CEP68: variants seen among roughly 807,000 people sequenced by gnomAD.
The protein encoded by CEP68 is centrosomal protein of 68 kDa.
A neutral mutation model predicts 55.3 loss-of-function variants in CEP68; 26 were observed. The ratio of observed to expected loss-of-function variants is 0.47; its 90% CI spans 0.34 to 0.65. The LOEUF (loss-of-function observed/expected upper bound fraction) is 0.65, where lower values mean the gene tolerates loss of function less well. Among genes scored for constraint, CEP68 ranks in the 30% least tolerant of loss-of-function variants. The pLI, the probability that CEP68 is intolerant of heterozygous loss-of-function variation, is 0.01. For missense variants in CEP68, 957 were observed against 946.7 expected (o/e 1.01, Z -0.14); for synonymous variants, 402 against 383.2 (o/e 1.05, Z -0.57).
rs1668970836 is a variant in CEP68 at position 65,084,495 on chromosome 2, T to A, written c.*861T>A. On this transcript the variant is annotated 3_prime_UTR_variant, in exon 7 of 7. Transcript: ENST00000377990. Reference sequence around the variant, plus strand: ...GGAAAAAGGGGAATTCTTCGTTGCTTTGGCATTGACACATAAGTACTTTGA... The same window carrying A: ...GGAAAAAGGGGAATTCTTCGTTGCTATGGCATTGACACATAAGTACTTTGA... The A allele has an allele frequency of 1.3e-5, 2 of 149,952 alleles. No individual in the cohort carries two copies. Among genetic ancestry groups the A allele is most frequent in the African/African-American group, 4.9e-5 (2 of 40,678 alleles). The allele number at this position is 149,952 out of a possible 1,614,324, so 9.3% of individuals were successfully genotyped here. A position where few individuals can be genotyped will look rare whatever the true frequency, so the allele number is the denominator to read the frequency against.
rs749877222 is a variant in CEP68, at chr2:65,081,512, G to C, written c.2105-1024G>C. ...GGAAACTAGGGAGAGTATAAGCACA[G>C]CTGATAAAGGTGCAGGAAACTAAGA... On this transcript the variant is annotated intron_variant, in intron 5 of 6. Transcript: ENST00000377990. Among the ~76,000 whole-genome samples, 9 of 152,160 alleles carry C rather than the reference G, an allele frequency of 5.9e-5. 1 individual carries two copies. In the South Asian group the frequency reaches 6.2e-4, roughly 10 times the overall value.
chr2:65,080,013 A>G (rs1558568761), intron 5 of CEP68, among the ~76,000 whole-genome samples: 1 of 151,964 alleles, frequency 6.6e-6, no homozygotes, highest in African/African-American at 2.4e-5. Flanking sequence ...AGCACCTGTA[A>G]TCCCAGCCAC....
chr2:65,074,541 A>C, intron 4 of CEP68, 137 bp downstream of exon 4: 3 of 1,264,794 alleles, frequency 2.4e-6, no homozygotes, highest in Non-Finnish European at 3.4e-6. Context: ...ATCTAATTAG[A>C]GCTTCACATT....
chr2:65,078,823 C>T (rs761809265), intron 5 of CEP68, among the ~76,000 whole-genome samples: 16 of 152,224 alleles, frequency 1.1e-4, no homozygotes, highest in East Asian at 5.8e-4. Context: ...GGATTACAGG[C>T]GTGAGCCACT....
chr2:65,062,999 G>T (rs193117646), intron 1 of CEP68, among the ~76,000 whole-genome samples: 1 of 152,340 alleles, frequency 6.6e-6, no homozygotes, highest in Admixed American at 6.5e-5. Flanking sequence ...AGAAGTGAGT[G>T]GGAGGAAGCC....
At position 65,084,035 on chromosome 2, in the gene CEP68, A is replaced by G. The variant is rs528007485; in HGVS notation, c.*401A>G. 1.1e-4 allele frequency: 17 copies of G among 152,344 alleles called. No homozygotes were observed. Among genetic ancestry groups the G allele is most frequent in the African/African-American group, 3.8e-4 (16 of 41,580 alleles). 9.4% of individuals were successfully genotyped at this position (152,344 alleles called of 1,614,324 possible). A position where few individuals can be genotyped will look rare whatever the true frequency, so the allele number is the denominator to read the frequency against. ...TATTCTCAGGCATGCAAGAGGACCT[A>G]AGAGACTGAAAAAAGTGAATTGTTG... On this transcript the variant is annotated 3_prime_UTR_variant, in exon 7 of 7. Coordinates refer to ENST00000377990, the MANE Select transcript of CEP68 (RefSeq NM_015147.3).
chr2:65,081,141 G>A (rs1676990470), intron 5 of CEP68, among the ~76,000 whole-genome samples: 1 of 151,728 alleles, frequency 6.6e-6, no homozygotes, highest in South Asian at 2.1e-4. Flanking sequence ...AACCTGGGAG[G>A]CGGAGGTTTT....
rs1369778769 is a variant in CEP68 at position 65,072,948 on chromosome 2, C to G, written c.1852C>G (p.Gln618Glu). The change falls in exon 3 of 7, where the codon CAG becomes GAG. Residue 618 changes from glutamine (Q) to glutamate (E), a missense_variant. Physicochemically the swap from Gln to Glu is conservative, Grantham distance 29 (BLOSUM62 2). Coordinates refer to ENST00000377990, the MANE Select transcript of CEP68 (RefSeq NM_015147.3). ...GCAGCTTCCCAGGAAAGGAGGAGAA[C>G]AGGGAAAAGAATCACTGGTGCAATG... Reference protein sequence around the residue: ...EGQLPRKGGEQGKESLVQCVK... With the variant: ...EGQLPRKGGEEGKESLVQCVK... The G allele has an allele frequency of 6.2e-7, 1 of 1,614,158 alleles. No homozygotes were observed. Among genetic ancestry groups the G allele is most frequent in the African/African-American group, 1.3e-5 (1 of 75,008 alleles).
rs142699353 is a variant in CEP68 at position 65,071,201 on chromosome 2, A to G, written c.358-253A>G. On this transcript the variant is annotated intron_variant, in intron 2 of 6. Transcript: ENST00000377990. ...TGAGTTCTGCTTGCTCACACCCTGG[A>G]TACCTGTGGAGGAAGGAAGAACCTT... The G allele has an allele frequency of 7.2e-4, 378 of 521,544 alleles. 3 individuals carry two copies. Among genetic ancestry groups the G allele is most frequent in the Middle Eastern group, 6.7e-3 (13 of 1,954 alleles). 32.3% of individuals were successfully genotyped at this position (521,544 alleles called of 1,614,324 possible). A position where few individuals can be genotyped will look rare whatever the true frequency, so the allele number is the denominator to read the frequency against.
chr2:65,076,725 T>C (rs1676780406), intron 4 of CEP68, among the ~76,000 whole-genome samples: 2 of 152,110 alleles, frequency 1.3e-5, no homozygotes, highest in Admixed American at 1.3e-4. Flanking sequence ...AAAGGAAAAC[T>C]GAAGACAGGA....
intron 1 of CEP68, among the ~76,000 whole-genome samples, chr2:65,058,830 C>CT (rs1313926112): frequency 6.6e-6 from 1 of 152,064 alleles, no homozygotes; most frequent in Non-Finnish European, 1.5e-5. Flanking sequence ...TTAAACATCC[C>CT]TTTAGCCTTT....
At chr2:65,074,948 C>T (rs955674624) in intron 4 of CEP68, 8 of 196,168 alleles carry the variant, frequency 4.1e-5, no homozygotes, top group African/African-American at 1.7e-4. Context: ...TTGCACTAGC[C>T]ACATTCTGCA....
intron 1 of CEP68, among the ~76,000 whole-genome samples, chr2:65,060,723 G>C (rs1249166943): frequency 6.6e-6 from 1 of 152,178 alleles, no homozygotes; most frequent in Non-Finnish European, 1.5e-5. Flanking sequence ...GAAAAAAGGT[G>C]CTGTTGATTG....
rs192942651 is a variant in CEP68, at chr2:65,085,082, A to G, written c.*1448A>G. 8 of 152,324 alleles carry G rather than the reference A, an allele frequency of 5.3e-5. No homozygotes were observed. Among genetic ancestry groups the G allele is most frequent in the Admixed American group, 3.9e-4 (6 of 15,298 alleles). 9.4% of individuals were successfully genotyped at this position (152,324 alleles called of 1,614,324 possible). ...ATATATTTTACCTTCTCTTAGATGTACATTTATAAGTAGGAACATGTCCTT... is the reference window on the plus strand; with the variant it reads ...ATATATTTTACCTTCTCTTAGATGTGCATTTATAAGTAGGAACATGTCCTT... On this transcript the variant is annotated 3_prime_UTR_variant, in exon 7 of 7. Transcript: ENST00000377990.
chr2:65,066,726 CAAAAAAA>C (rs869096839), intron 1 of CEP68, among the ~76,000 whole-genome samples: 9 of 43,236 alleles, frequency 2.1e-4, no homozygotes, highest in African/African-American at 7.1e-4. Context: ...GACTCTGTCT[CAAAAAAA>C]AAAAAAAAAA....
At chr2:65,081,400 C>T (rs1181061568) in intron 5 of CEP68, among the ~76,000 whole-genome samples, 1 of 149,374 alleles carries the variant, frequency 6.7e-6, no homozygotes, top group Non-Finnish European at 1.5e-5. Flanking sequence ...GCCTGTGTTC[C>T]TTCTCCTTCT....
chr2:65,080,518 T>A, intron 5 of CEP68: 4 of 985,338 alleles, frequency 4.1e-6, no homozygotes, highest in Non-Finnish European at 4.8e-6. Context: ...TCTGACAGTC[T>A]AAATAAAAGT....
At position 65,072,862 on chromosome 2, in the gene CEP68, C is replaced by CA; in HGVS notation, c.1767dup (p.Arg590ThrfsTer7). On this transcript the variant is annotated frameshift_variant, in exon 3 of 7. Coordinates refer to ENST00000377990, the MANE Select transcript of CEP68 (RefSeq NM_015147.3). LOFTEE classifies it high-confidence loss of function. ...GGGGTCTCCTCTGGACTGCTGAAAA[C>CA]ACGCCCCTCCTTGCCAGCTAGGTTG... 12 of 1,614,198 alleles carry CA rather than the reference C, an allele frequency of 7.4e-6. No homozygotes were observed. The highest frequency in any genetic ancestry group is 9.3e-6 in the Non-Finnish European group (11 of 1,180,034).
At position 65,082,519 on chromosome 2, in the gene CEP68, T is replaced by C; in HGVS notation, c.2105-17T>C. On this transcript the variant is annotated splice_polypyrimidine_tract_variant and intron_variant, in intron 5 of 6. Coordinates refer to ENST00000377990, the MANE Select transcript of CEP68 (RefSeq NM_015147.3). Reference sequence around the variant, plus strand: ...GGGTTTTATTTCTGGTTTAATTTCTTTGAACCTCATTGTTAGTTTTAGAGG... The same window carrying C: ...GGGTTTTATTTCTGGTTTAATTTCTCTGAACCTCATTGTTAGTTTTAGAGG... 3 of 1,513,282 alleles carry C rather than the reference T, an allele frequency of 2.0e-6. No homozygotes were observed. Among genetic ancestry groups the C allele is most frequent in the Non-Finnish European group, 2.6e-6 (3 of 1,133,564 alleles). 93.7% of individuals were successfully genotyped at this position (1,513,282 alleles called of 1,614,324 possible). A position where few individuals can be genotyped will look rare whatever the true frequency, so the allele number is the denominator to read the frequency against.
Sources: gnomAD v4.1 joint callset for allele counts (sites outside exome capture counted in the v4.1 genomes callset) on GRCh38, gnomAD v4.1.1 for gene constraint, MANE v1.5 for transcripts, NCBI Gene and HGNC (gene_info 2026-07-23, HGNC 2026-07-21) for gene names.